PAG1: variants seen among roughly 807,000 people sequenced by gnomAD.
PAG1 encodes phosphoprotein associated with glycosphingolipid-enriched microdomains 1.
Under a neutral mutation model 31.7 loss-of-function variants are expected in PAG1, and 23 were observed. The observed-to-expected ratio is 0.73, with a 90% CI of 0.52 to 1.03. The LOEUF is 1.03. Among genes scored for constraint, PAG1 ranks in the 50% least tolerant of loss-of-function variants. The pLI is 0.00. For missense variants in PAG1, 473 were observed against 540.7 expected, an observed-to-expected ratio of 0.87 and a Z score of 1.24; for synonymous variants, 214 against 210.3, an observed-to-expected ratio of 1.02 and a Z score of -0.15.
chr8:81,072,685 A>G (rs568800435), intron 1 of PAG1, among the ~76,000 whole-genome samples: 41 of 152,248 alleles, frequency 2.7e-4, no homozygotes, highest in Non-Finnish European at 5.1e-4. Flanking sequence ...CCTGGGCGAC[A>G]GAGTGAGGGC....
chr8:81,031,376 G>T (rs760955678), intron 2 of PAG1, among the ~76,000 whole-genome samples: 33 of 152,208 alleles, frequency 2.2e-4, no homozygotes, highest in Non-Finnish European at 4.3e-4. Flanking sequence ...TGCAGGGCTT[G>T]ATAGACAACT....
rs1275594050 is a variant in PAG1 at position 80,967,810 on chromosome 8, T to C, written c.*8734A>G. On this transcript the variant is annotated 3_prime_UTR_variant, in exon 9 of 9. Coordinates refer to ENST00000220597, the MANE Select transcript of PAG1 (RefSeq NM_018440.4). The stretch of plus-strand genomic sequence containing the variant: ...AATACCAAATAAATTTTAACAAGCC[T>C]TTATGTAAAACTGACTTTTATTACA... 1.3e-5 allele frequency: 2 copies of C among 152,184 alleles called. No homozygotes were observed. The highest frequency in any genetic ancestry group is 1.3e-4 in the Admixed American group (2 of 15,268). The allele number at this position is 152,184 out of a possible 1,614,324, so 9.4% of individuals were successfully genotyped here.
chr8:81,058,682 A>T (rs1808867678), intron 2 of PAG1: 1 of 152,264 alleles, frequency 6.6e-6, no homozygotes, highest in Non-Finnish European at 1.5e-5. Flanking sequence ...GGATCACTTG[A>T]GGCCAGGAGT....
intron 3 of PAG1, among the ~76,000 whole-genome samples, chr8:81,022,751 T>C (rs562186147): frequency 3.9e-5 from 6 of 152,184 alleles, no homozygotes; most frequent in Admixed American, 2.0e-4. Flanking sequence ...TTAGTATTCA[T>C]TTGAAGAGGT....
chr8:81,096,746 G>C (rs1195264870), intron 1 of PAG1, among the ~76,000 whole-genome samples: 2 of 152,192 alleles, frequency 1.3e-5, no homozygotes, highest in Non-Finnish European at 2.9e-5. Context: ...TTGCAAAGTA[G>C]GATGCCCAGT....
At chr8:80,993,397 G>A (rs1307243552) in intron 3 of PAG1, 90 bp from the exon 4 acceptor site, 2 of 627,326 alleles carry the variant, frequency 3.2e-6, no homozygotes, top group East Asian at 3.0e-5. Flanking sequence ...AGACCTTTGC[G>A]CAAAGTCAGG....
At chr8:81,006,479 T>C (rs914712654) in intron 3 of PAG1, among the ~76,000 whole-genome samples, 4 of 152,074 alleles carry the variant, frequency 2.6e-5, no homozygotes, top group Admixed American at 2.6e-4. Context: ...AGTGTGAAAG[T>C]AAAAATCTAA....
chr8:81,038,109 G>T (rs1305127788), intron 2 of PAG1, among the ~76,000 whole-genome samples: 1 of 152,178 alleles, frequency 6.6e-6, no homozygotes, highest in Non-Finnish European at 1.5e-5. Context: ...ATCACTCAAG[G>T]GGTTATGGGG....
At chr8:81,015,842 A>C (rs1004839717) in intron 3 of PAG1, among the ~76,000 whole-genome samples, 1 of 152,138 alleles carries the variant, frequency 6.6e-6, no homozygotes, top group Non-Finnish European at 1.5e-5. Flanking sequence ...CCAGCAAGAA[A>C]TGCTGTCTGT....
At chr8:81,077,105 T>G (rs4537256) in intron 1 of PAG1, among the ~76,000 whole-genome samples, 1 of 152,040 alleles carries the variant, frequency 6.6e-6, no homozygotes, top group African/African-American at 2.4e-5. Context: ...CAGTGTGTGA[T>G]CTGCAGACCA....
At chr8:80,991,091 AACC>A (rs1205203434) in intron 5 of PAG1, among the ~76,000 whole-genome samples, 1 of 152,176 alleles carries the variant, frequency 6.6e-6, no homozygotes, top group Admixed American at 6.5e-5. Flanking sequence ...TTTGGCTGCA[AACC>A]ACCAGAAGCC....
intron 3 of PAG1, among the ~76,000 whole-genome samples, chr8:81,007,211 G>A (rs1026028897): frequency 7.9e-5 from 12 of 151,966 alleles, no homozygotes; most frequent in Admixed American, 7.2e-4. Flanking sequence ...TGGGAAGTGC[G>A]GGAAAAAGGT....
intron 1 of PAG1, among the ~76,000 whole-genome samples, chr8:81,076,161 TC>T (rs1272491497): frequency 1.3e-5 from 2 of 152,244 alleles, no homozygotes; most frequent in African/African-American, 4.8e-5. Flanking sequence ...TCTTATCTGA[TC>T]CTTTCCCACA....
chr8:81,081,849 C>T (rs1586208534), intron 1 of PAG1, among the ~76,000 whole-genome samples: 1 of 152,138 alleles, frequency 6.6e-6, no homozygotes, highest in East Asian at 1.9e-4. Flanking sequence ...GGGTTATTTC[C>T]AGTTTTGACT....
At chr8:81,000,946 A>C (rs1807774107) in intron 3 of PAG1, among the ~76,000 whole-genome samples, 1 of 152,148 alleles carries the variant, frequency 6.6e-6, no homozygotes, top group African/African-American at 2.4e-5. Flanking sequence ...TGACAATTTC[A>C]CACCTTCTCC....
Position 81,027,627 on chromosome 8 carries a change from C to T in PAG1, c.-81+2369G>A, listed in dbSNP as rs992494398. Among the ~76,000 whole-genome samples, 7 of 152,098 alleles carry T rather than the reference C, an allele frequency of 4.6e-5. No individual in the cohort carries two copies. The Middle Eastern group carries it at 0.01, about 222-fold the overall frequency. ...TTCTTAAGAATATAGGCCAAGAGGC[C>T]GGGCGCGGTGGCTCATGCCTGTAAT... is the stretch of plus-strand genomic sequence containing the variant. On this transcript the variant is annotated intron_variant, in intron 3 of 8. Transcript: ENST00000220597.
intron 5 of PAG1, 104 bp from the exon 6 acceptor site, chr8:80,987,570 C>T (rs994586270): frequency 2.7e-6 from 2 of 744,466 alleles, no homozygotes; most frequent in Non-Finnish European, 4.6e-6. Flanking sequence ...ATTAAAACAG[C>T]AGAAACAGAA....
chr8:81,096,923 C>G (rs1345095856), intron 1 of PAG1, among the ~76,000 whole-genome samples: 1 of 152,210 alleles, frequency 6.6e-6, no homozygotes, highest in African/African-American at 2.4e-5. Flanking sequence ...GGCATAGGTG[C>G]CACTTAGCAG....
chr8:81,008,112 T>C (rs1032517188), intron 3 of PAG1, among the ~76,000 whole-genome samples: 1 of 152,226 alleles, frequency 6.6e-6, no homozygotes, highest in African/African-American at 2.4e-5. Context: ...GGTTTCATTC[T>C]AGTTCTTTTT....
Sources: gnomAD v4.1 joint callset for allele counts (sites outside exome capture counted in the v4.1 genomes callset) on GRCh38, gnomAD v4.1.1 for gene constraint, MANE v1.5 for transcripts, NCBI Gene and HGNC (gene_info 2026-07-23, HGNC 2026-07-21) for gene names.